The following DIP2B variants were observed in gnomAD, a reference collection of about 807,000 sequenced individuals.
DIP2B encodes the protein disco-interacting protein 2 homolog B.
A neutral mutation model predicts 198.0 loss-of-function variants in DIP2B; 76 were observed. The observed-to-expected ratio is 0.38, with a 90% CI of 0.32 to 0.46. The LOEUF is 0.46. DIP2B is among the 20% of genes least tolerant of loss of function. The probability of loss-of-function intolerance (pLI) is 0.99; values close to 1 mark genes in which losing one functional copy is unlikely to be tolerated. For missense variants in DIP2B, 1,559 were observed against 1,978.4 expected, an observed-to-expected ratio of 0.79 and a Z score of 4.02; for synonymous variants, 701 against 739.1, an observed-to-expected ratio of 0.95 and a Z score of 0.84.
intron 19 of DIP2B, among the ~76,000 whole-genome samples, chr12:50,703,242 A>AT (rs946479911): frequency 5.5e-4 from 82 of 148,966 alleles, no homozygotes; most frequent in African/African-American, 1.3e-3. Flanking sequence ...AAAAAAAAAG[A>AT]TTTTTTTTTT....
Position 50,723,199 on chromosome 12 carries a change from C to T in DIP2B, c.3167-3C>T. On this transcript the variant is annotated splice_polypyrimidine_tract_variant and splice_region_variant and intron_variant, in intron 26 of 37. Coordinates refer to ENST00000301180, the MANE Select transcript of DIP2B (RefSeq NM_173602.3). ...TCTCCTGACAGGGTCCTTTGTCTTG[C>T]AGGCATTGAGTTAATCGCCGCCTTC... 1.2e-6 allele frequency: 2 copies of T among 1,613,982 alleles called. No homozygotes were observed. The highest frequency in any genetic ancestry group is 1.1e-5 in the South Asian group (1 of 91,068).
At chr12:50,570,659 G>A (rs757016056) in intron 1 of DIP2B, among the ~76,000 whole-genome samples, 5 of 152,254 alleles carry the variant, frequency 3.3e-5, no homozygotes, top group South Asian at 2.1e-4. Flanking sequence ...ACAATGAGCC[G>A]AGATCGCGCC....
intron 29 of DIP2B, 40 bp from the exon 30 acceptor site, chr12:50,728,508 G>C: frequency 6.3e-7 from 1 of 1,593,696 alleles, no homozygotes; most frequent in Non-Finnish European, 8.6e-7. Context: ...CTGCCTGTGG[G>C]ATAACAGTCC....
chr12:50,686,727 C>T (rs1939137356), intron 12 of DIP2B, 45 bp downstream of exon 12: 1 of 1,550,448 alleles, frequency 6.4e-7, no homozygotes, highest in Non-Finnish European at 8.8e-7. Flanking sequence ...TTTCCTTGGG[C>T]TTTGCTTGCC....
chr12:50,602,715 T>TA (rs1958947899), intron 1 of DIP2B, among the ~76,000 whole-genome samples: 1 of 148,946 alleles, frequency 6.7e-6, no homozygotes, highest in African/African-American at 2.5e-5. Flanking sequence ...AAAACTTAGC[T>TA]GGGCATGGTG....
intron 3 of DIP2B, among the ~76,000 whole-genome samples, chr12:50,658,048 G>A (rs1938583838): frequency 7.1e-6 from 1 of 140,860 alleles, no homozygotes; most frequent in Admixed American, 7.4e-5. Context: ...CCCAGTTCAA[G>A]ACCAACCCTA....
In DIP2B at chr12:50,537,055, C is replaced by CT. The variant is rs1012947998; in HGVS notation, c.100+31827dup. 8.0e-4 allele frequency among the ~76,000 whole-genome samples: 94 copies of CT among 118,064 alleles called. 1 individual carries two copies. Among genetic ancestry groups the CT allele is most frequent in the Admixed American group, 3.0e-3 (34 of 11,312 alleles). The allele number at this position is 118,064 out of a possible 152,430, so 77.5% of individuals were successfully genotyped here. ...CTACCCCCAAACTCATTATCCTGTGCTTTTTTTTTTTTAATTTTTTTGGTC... is the reference window on the plus strand; with the variant it reads ...CTACCCCCAAACTCATTATCCTGTGCTTTTTTTTTTTTTAATTTTTTTGGTC... On this transcript the variant is annotated intron_variant, in intron 1 of 37. Coordinates refer to ENST00000301180, the MANE Select transcript of DIP2B (RefSeq NM_173602.3).
At position 50,698,393 on chromosome 12, in the gene DIP2B, G is replaced by A. The variant is rs368756090; in HGVS notation, c.2114G>A (p.Gly705Glu). ...AILSMNGLSY[G>E]VIRVNTEDKN... The stretch of plus-strand genomic sequence containing the variant: ...CTCTCAATGAATGGATTGAGCTATG[G>A]GGTAATACGGGTCAATACTGAAGAT... Residue 705 changes from glycine to glutamate, a missense_variant, in exon 18 of 38, where the codon GGG becomes GAG. By Grantham distance (98) the Gly-to-Glu change is moderately conservative. Coordinates refer to ENST00000301180, the MANE Select transcript of DIP2B (RefSeq NM_173602.3). 6 of 1,614,080 alleles carry A rather than the reference G, an allele frequency of 3.7e-6. No homozygotes were observed. The highest frequency in any genetic ancestry group is 5.1e-6 in the Non-Finnish European group (6 of 1,179,974).
At chr12:50,572,439 C>G (rs958117985) in intron 1 of DIP2B, among the ~76,000 whole-genome samples, 2 of 152,156 alleles carry the variant, frequency 1.3e-5, no homozygotes, top group East Asian at 3.9e-4. Context: ...GGTTGCTAAA[C>G]TTATGGCATG....
At chr12:50,521,050 T>C (rs992131958) in intron 1 of DIP2B, among the ~76,000 whole-genome samples, 1 of 151,020 alleles carries the variant, frequency 6.6e-6, no homozygotes, top group Admixed American at 6.6e-5. Context: ...CTTTAGTCCA[T>C]ATTAATCTCT....
chr12:50,631,018 T>C (rs2947617), intron 2 of DIP2B, among the ~76,000 whole-genome samples: 134,694 of 152,162 alleles, frequency 0.89, 60,523 homozygotes, highest in Non-Finnish European at 0.98. Context: ...TATTTTAGTA[T>C]GCCTTCAACT....
chr12:50,620,532 C>T (rs1400462072), intron 1 of DIP2B, among the ~76,000 whole-genome samples: 1 of 152,138 alleles, frequency 6.6e-6, no homozygotes, highest in Admixed American at 6.5e-5. Flanking sequence ...TGTCTTCATA[C>T]AAGGCTCTAT....
chr12:50,726,089 G>T (rs10876079), intron 28 of DIP2B, among the ~76,000 whole-genome samples: 145,726 of 152,268 alleles, frequency 0.96, 70,071 homozygotes, highest in East Asian at 1. Flanking sequence ...AGTGGTCATA[G>T]GAGTGACCCT....
At chr12:50,717,940 G>A (rs996805268) in intron 23 of DIP2B, among the ~76,000 whole-genome samples, 35 of 108,100 alleles carry the variant, frequency 3.2e-4, no homozygotes, top group African/African-American at 6.3e-4. Context: ...TCGCTCTGTC[G>A]CCATACTGGA....
intron 3 of DIP2B, among the ~76,000 whole-genome samples, chr12:50,646,312 G>A (rs974196586): frequency 4.6e-5 from 7 of 151,390 alleles, no homozygotes; most frequent in African/African-American, 1.2e-4. Flanking sequence ...TAATAGAGAC[G>A]GGGTTTCACC....
chr12:50,530,591 A>G (rs1180381188), intron 1 of DIP2B, among the ~76,000 whole-genome samples: 1 of 152,226 alleles, frequency 6.6e-6, no homozygotes, highest in Non-Finnish European at 1.5e-5. Flanking sequence ...AAATAAGAGC[A>G]GGTAAGACAG....
intron 5 of DIP2B, among the ~76,000 whole-genome samples, chr12:50,672,849 ATAATGT>A (rs1427606118): frequency 6.6e-6 from 1 of 152,240 alleles, no homozygotes; most frequent in Admixed American, 6.5e-5. Flanking sequence ...TGTCCTAAAC[ATAATGT>A]TAATAACCTG....
chr12:50,653,328 C>CTTTTTTTTTTTTTTGTTTTTTTTT (rs71086465), intron 3 of DIP2B, among the ~76,000 whole-genome samples: 1 of 116,312 alleles, frequency 8.6e-6, no homozygotes, highest in Non-Finnish European at 1.7e-5. Flanking sequence ...GTCTTTCTTT[C>CTTTTTTTTTTTTTTGTTTTTTTTT]TTTTTTTTTT....
At chr12:50,584,664 A>G (rs972565057) in intron 1 of DIP2B, among the ~76,000 whole-genome samples, 4 of 152,124 alleles carry the variant, frequency 2.6e-5, no homozygotes, top group African/African-American at 9.7e-5. Context: ...CCCGGGTTCA[A>G]GCGATTCTCC....
Sources: gnomAD v4.1 joint callset for allele counts (sites outside exome capture counted in the v4.1 genomes callset) on GRCh38, gnomAD v4.1.1 for gene constraint, MANE v1.5 for transcripts, NCBI Gene and HGNC (gene_info 2026-07-23, HGNC 2026-07-21) for gene names.